Variants in NOTO observed in about 807,000 individuals in gnomAD.
The protein encoded by NOTO is homeobox protein notochord.
NOTO carries 19 observed loss-of-function variants against 20.5 expected under a neutral mutation model. The ratio of observed to expected loss-of-function variants is 0.93; its 90% CI spans 0.65 to 1.36. NOTO has a LOEUF of 1.36. Ranked by LOEUF, NOTO falls within the 40% of genes most tolerant of loss-of-function variation. The pLI is 0.00. For missense variants in NOTO, 369 were observed against 336.2 expected, an observed-to-expected ratio of 1.10 and a Z score of -0.76; for synonymous variants, 150 against 150.2, an observed-to-expected ratio of 1.00 and a Z score of 0.01.
In NOTO at chr2:73,202,877, T is replaced by A. The variant is rs996141169; in HGVS notation, c.211T>A (p.Ser71Thr). The change falls in exon 1 of 3, where the codon TCC becomes ACC. Residue 71 changes from serine (S) to threonine (T), a missense_variant. Ser to Thr is a moderately conservative substitution (Grantham distance 58). Transcript: ENST00000398468. Reference protein sequence around the residue: ...CAPAASQPSGSACVHPAFWTA... With the variant: ...CAPAASQPSGTACVHPAFWTA... ...GCCGGCGGCCTCCCAGCCGTCGGGC[T>A]CCGCCTGCGTCCACCCGGCCTTCTG... The A allele has an allele frequency of 1.0e-5, 16 of 1,527,002 alleles. No homozygotes were observed. Among genetic ancestry groups the A allele is most frequent in the Admixed American group, 4.0e-5 (2 of 50,410 alleles). 94.6% of individuals were successfully genotyped at this position (1,527,002 alleles called of 1,614,324 possible). A position where few individuals can be genotyped will look rare whatever the true frequency, so the allele number is the denominator to read the frequency against.
chr2:73,206,241 A>T (rs948671203), intron 1 of NOTO, among the ~76,000 whole-genome samples: 2 of 152,170 alleles, frequency 1.3e-5, no homozygotes, highest in African/African-American at 4.8e-5. Flanking sequence ...CCATTGGATT[A>T]TCACTTCTGT....
intron 1 of NOTO, among the ~76,000 whole-genome samples, chr2:73,206,138 T>G (rs1686085338): frequency 6.6e-6 from 1 of 152,262 alleles, no homozygotes; most frequent in East Asian, 1.9e-4. Flanking sequence ...TTTTTACATT[T>G]AAATATTTCC....
rs543717403 is a variant in NOTO at position 73,202,840 on chromosome 2, C to T, written c.174C>T (p.Pro58=). The change falls in exon 1 of 3, where the codon CCC becomes CCT. Residue 58 remains proline (P), a synonymous_variant. Coordinates refer to ENST00000398468, the MANE Select transcript of NOTO (RefSeq NM_001134462.2). ...CGGTCGAGGCCATCCTGGCGAGGCC[C>T]GACCCCTGCGCGCCGGCGGCCTCCC... ...PFSVEAILAR[P]DPCAPAASQP... 1.8e-5 allele frequency: 27 copies of T among 1,525,254 alleles called. No homozygotes were observed. The African/African-American group carries it at 3.4e-4, about 19-fold the overall frequency. 94.5% of individuals were successfully genotyped at this position (1,525,254 alleles called of 1,614,324 possible).
chr2:73,204,507 A>G (rs1686059547), intron 1 of NOTO, among the ~76,000 whole-genome samples: 1 of 151,982 alleles, frequency 6.6e-6, no homozygotes, highest in African/African-American at 2.4e-5. Flanking sequence ...CCAATCCTGC[A>G]TTTCCTCACC....
Position 73,210,948 on chromosome 2 carries a change from T to C in NOTO, c.*19T>C, listed in dbSNP as rs1686171711. On this transcript the variant is annotated 3_prime_UTR_variant, in exon 3 of 3. Transcript: ENST00000398468. ...CGGCTGAAGACTGGGACAGAGGCCC[T>C]AGCCAGGCTGCCTGGACTAGTTCCT... The C allele has an allele frequency of 1.2e-5, 19 of 1,541,906 alleles. No individual in the cohort carries two copies. The highest frequency in any genetic ancestry group is 1.7e-5 in the Non-Finnish European group (19 of 1,140,414).
chr2:73,206,639 A>G (rs967981607), intron 1 of NOTO, among the ~76,000 whole-genome samples: 3 of 151,880 alleles, frequency 2.0e-5, no homozygotes, highest in African/African-American at 7.3e-5. Context: ...GTGCCTAGAC[A>G]GCACCATGTT....
At chr2:73,206,066 T>C (rs111903517) in intron 1 of NOTO, among the ~76,000 whole-genome samples, 20 of 152,202 alleles carry the variant, frequency 1.3e-4, no homozygotes, top group African/African-American at 3.9e-4. Flanking sequence ...TGGAAAGAAC[T>C]TCCTCACTGT....
In NOTO at chr2:73,210,754, C is replaced by T; in HGVS notation, c.598-17C>T. The T allele has an allele frequency of 6.5e-7, 1 of 1,539,912 alleles. No homozygotes were observed. Among genetic ancestry groups the T allele is most frequent in the East Asian group, 2.5e-5 (1 of 40,698 alleles). ...CTGATGGTCACATTCTGATCTCTGCCCACTCTCCAATTATAGGTGAGAGTC... is the reference window on the plus strand; with the variant it reads ...CTGATGGTCACATTCTGATCTCTGCTCACTCTCCAATTATAGGTGAGAGTC... On this transcript the variant is annotated splice_polypyrimidine_tract_variant and intron_variant, in intron 2 of 2. Transcript: ENST00000398468.
intron 2 of NOTO, among the ~76,000 whole-genome samples, chr2:73,209,914 C>T (rs1686154581): frequency 6.6e-6 from 1 of 152,166 alleles, no homozygotes; most frequent in Non-Finnish European, 1.5e-5. Flanking sequence ...TCCTTCTCCT[C>T]CGCTTCCAAC....
chr2:73,208,117 G>A (rs1686114495), intron 1 of NOTO, among the ~76,000 whole-genome samples: 1 of 152,260 alleles, frequency 6.6e-6, no homozygotes, highest in Non-Finnish European at 1.5e-5. Flanking sequence ...AGAGAAGGGA[G>A]GTTTGGCAAC....
Position 73,211,257 on chromosome 2 carries a change from G to A in NOTO, c.*328G>A. 1 of 220,808 alleles carries A rather than the reference G, an allele frequency of 4.5e-6. No homozygotes were observed. Among genetic ancestry groups the A allele is most frequent in the Non-Finnish European group, 8.8e-6 (1 of 113,106 alleles). The allele number at this position is 220,808 out of a possible 1,614,324, so 13.7% of individuals were successfully genotyped here. A position where few individuals can be genotyped will look rare whatever the true frequency, so the allele number is the denominator to read the frequency against. On this transcript the variant is annotated 3_prime_UTR_variant, in exon 3 of 3. Transcript: ENST00000398468. The stretch of plus-strand genomic sequence containing the variant: ...AAAGCAATAATGTGCCATGCACAGT[G>A]CAAAGTGTGTGGTTACTGTTAAGGC...
In NOTO at chr2:73,202,590, T is replaced by TG. The variant is rs1686017527; in HGVS notation, c.-76dup. 3.0e-6 allele frequency: 4 copies of TG among 1,345,194 alleles called. No homozygotes were observed. In the Admixed American group the frequency reaches 1.1e-4, roughly 35 times the overall value. The allele number at this position is 1,345,194 out of a possible 1,614,324, so 83.3% of individuals were successfully genotyped here. A position where few individuals can be genotyped will look rare whatever the true frequency, so the allele number is the denominator to read the frequency against. On this transcript the variant is annotated 5_prime_UTR_variant, in exon 1 of 3. Transcript: ENST00000398468. ...CAGGAGGTTCCCAGACAACCGGTCT[T>TG]GCTCGCTGCCTTTTGCAGAATCTTC...
intron 1 of NOTO, among the ~76,000 whole-genome samples, chr2:73,204,669 A>G (rs1330631055): frequency 1.3e-5 from 2 of 152,110 alleles, no homozygotes; most frequent in East Asian, 3.9e-4. Flanking sequence ...TTCATGTTAC[A>G]GTTGCCTCAT....
intron 1 of NOTO, among the ~76,000 whole-genome samples, chr2:73,204,327 C>G (rs1391930521): frequency 6.6e-6 from 1 of 152,160 alleles, no homozygotes; most frequent in East Asian, 1.9e-4. Flanking sequence ...ACTTTGCCTT[C>G]TAGCATTAAA....
intron 2 of NOTO, among the ~76,000 whole-genome samples, chr2:73,210,121 TG>T (rs1447845506): frequency 6.6e-6 from 1 of 152,242 alleles, no homozygotes; most frequent in African/African-American, 2.4e-5. Context: ...TAGGATTATG[TG>T]GGCCCACGTA....
At chr2:73,208,280 G>T in intron 1 of NOTO, 120 bp from the exon 2 acceptor site, 1 of 651,420 alleles carries the variant, frequency 1.5e-6, no homozygotes. Flanking sequence ...CTGGCCAAGG[G>T]GAAGGCAAGG....
chr2:73,205,967 G>A (rs1036780181), intron 1 of NOTO, among the ~76,000 whole-genome samples: 1 of 152,116 alleles, frequency 6.6e-6, no homozygotes, highest in African/African-American at 2.4e-5. Flanking sequence ...GAACTCCTGG[G>A]CTCAAGTGAT....
rs1211239771 is a variant in NOTO at position 73,202,773 on chromosome 2, C to T, written c.107C>T (p.Pro36Leu). 1 of 1,524,226 alleles carries T rather than the reference C, an allele frequency of 6.6e-7. No individual in the cohort carries two copies. Among genetic ancestry groups the T allele is most frequent in the Admixed American group, 2.0e-5 (1 of 50,306 alleles). 94.4% of individuals were successfully genotyped at this position (1,524,226 alleles called of 1,614,324 possible). A position where few individuals can be genotyped will look rare whatever the true frequency, so the allele number is the denominator to read the frequency against. ...CCGGCGCCCAGGTCCCCTACTGGCC[C>T]GAACACGCCCCGCGCTCCCGGACGC... The part of the protein sequence containing the change: ...RSPAPRSPTG[P>L]NTPRAPGRFE... Residue 36 changes from proline (P) to leucine (L), a missense_variant, in exon 1 of 3, where the codon CCG becomes CTG. Pro to Leu is a moderately conservative substitution (Grantham distance 98). Transcript: ENST00000398468.
Position 73,203,036 on chromosome 2 carries a change from T to C in NOTO, c.370T>C (p.Phe124Leu), listed in dbSNP as rs1476947270. 3 of 1,399,278 alleles carry C rather than the reference T, an allele frequency of 2.1e-6. No individual in the cohort carries two copies. In the East Asian group the frequency reaches 9.0e-5, roughly 42 times the overall value. The allele number at this position is 1,399,278 out of a possible 1,614,324, so 86.7% of individuals were successfully genotyped here. The change falls in exon 1 of 3, where the codon TTC becomes CTC. Residue 124 changes from phenylalanine to leucine, a missense_variant. Coordinates refer to ENST00000398468, the MANE Select transcript of NOTO (RefSeq NM_001134462.2). ...GGCTCCCGTCTGCGGCCTGCTGGGC[T>C]TCGGCGTCACAGGTACTGCGGTCCC... ...RVAPVCGLLG[F>L]GVTGLELAHC...
Sources: allele counts gnomAD v4.1 joint callset (sites outside exome capture counted in the v4.1 genomes callset), GRCh38; gene constraint gnomAD v4.1.1; transcripts MANE v1.5; gene names NCBI Gene and HGNC (gene_info 2026-07-23, HGNC 2026-07-21).